Variants in TUSC3 observed in about 807,000 individuals in gnomAD.
The protein encoded by TUSC3 is dolichyl-diphosphooligosaccharide--protein glycosyltransferase subunit TUSC3.
In TUSC3, 45 loss-of-function variants were observed where a neutral mutation model predicts 44.8. That is an observed-to-expected ratio of 1.00 (90% CI 0.79 to 1.29). The LOEUF is 1.29. TUSC3 is among the 50% of genes most tolerant of loss of function. The pLI is 0.00. For synonymous variants in TUSC3, 212 were observed against 152.9 expected (o/e 1.39, Z -2.85); for missense variants, 519 against 437.9 (o/e 1.19, Z -1.65).
intron 1 of TUSC3, among the ~76,000 whole-genome samples, chr8:15,468,087 A>G (rs1272061451): frequency 1.3e-5 from 2 of 152,216 alleles, no homozygotes; most frequent in African/African-American, 2.4e-5. Flanking sequence ...TTAGAGCTCT[A>G]AAGTATTTCT....
chr8:15,487,314 T>A (rs755088905), intron 2 of TUSC3, among the ~76,000 whole-genome samples: 1 of 152,206 alleles, frequency 6.6e-6, no homozygotes, highest in Non-Finnish European at 1.5e-5. Flanking sequence ...AGAGCAAGAT[T>A]TGTCTCGTGA....
In TUSC3 at chr8:15,508,457, C is replaced by CTTTTTTT. The variant is rs1200727081; in HGVS notation, n.189+24991_189+24997dup. On this transcript the variant is annotated intron_variant and non_coding_transcript_variant, in intron 2 of 5. Coordinates refer to the TUSC3 transcript ENST00000503191. ...GAGGTAGTTTAGGAATCGAAGCTTC[C>CTTTTTTT]TTTTTTTTTTTTTTTTTTTTTTTGA... 1.6e-3 allele frequency among the ~76,000 whole-genome samples: 127 copies of CTTTTTTT among 79,600 alleles called. 6 individuals are homozygous for CTTTTTTT. Among genetic ancestry groups the CTTTTTTT allele is most frequent in the African/African-American group, 2.7e-3 (56 of 20,538 alleles). 52.2% of individuals were successfully genotyped at this position (79,600 alleles called of 152,430 possible).
At chr8:15,815,359 T>A in the TUSC3 span, among the ~76,000 whole-genome samples, 1 of 152,022 alleles carries the variant, frequency 6.6e-6, no homozygotes, top group Non-Finnish European at 1.5e-5. Flanking sequence ...GCATCCTGAG[T>A]CAGCTGGAGT....
intron 7 of TUSC3, among the ~76,000 whole-genome samples, chr8:15,736,083 G>A (rs1029653790): frequency 6.6e-6 from 1 of 152,030 alleles, no homozygotes; most frequent in African/African-American, 2.4e-5. Context: ...TCCTCTAGCA[G>A]TATAAAAACA....
At chr8:15,433,558 C>T (rs1161528609) in intron 1 of TUSC3, among the ~76,000 whole-genome samples, 4 of 151,912 alleles carry the variant, frequency 2.6e-5, no homozygotes, top group Non-Finnish European at 5.9e-5. Flanking sequence ...ATATAACAGC[C>T]CCTTCACACG....
At chr8:15,841,766 G>A in the TUSC3 span, among the ~76,000 whole-genome samples, 1 of 152,120 alleles carries the variant, frequency 6.6e-6, no homozygotes, top group Non-Finnish European at 1.5e-5. Context: ...TGACCGCCTT[G>A]GCCTCCCAAA....
intron 1 of TUSC3, among the ~76,000 whole-genome samples, chr8:15,560,593 G>GT (rs1216184164): frequency 1.2e-4 from 17 of 138,382 alleles, no homozygotes; most frequent in African/African-American, 3.1e-4. Context: ...ATATCCTGCA[G>GT]AGTGTTTTCC....
At chr8:15,661,228 A>C (rs1317241650) in intron 4 of TUSC3, among the ~76,000 whole-genome samples, 1 of 151,976 alleles carries the variant, frequency 6.6e-6, no homozygotes, top group East Asian at 1.9e-4. Flanking sequence ...AGCTACCACT[A>C]CCCATATTAC....
chr8:15,633,035 A>C (rs1322221268), intron 2 of TUSC3, among the ~76,000 whole-genome samples: 2 of 152,154 alleles, frequency 1.3e-5, no homozygotes, highest in Non-Finnish European at 2.9e-5. Context: ...TTTACTGCTG[A>C]GGTAGTATTA....
At chr8:15,542,996 C>T (rs529515437) in intron 1 of TUSC3, among the ~76,000 whole-genome samples, 1 of 152,156 alleles carries the variant, frequency 6.6e-6, no homozygotes, top group Admixed American at 6.5e-5. Flanking sequence ...AAATACAGGC[C>T]ATTCCGTATC....
intron 2 of TUSC3, among the ~76,000 whole-genome samples, chr8:15,649,673 C>CT (rs1220424561): frequency 1.3e-5 from 2 of 151,656 alleles, no homozygotes; most frequent in Non-Finnish European, 2.9e-5. Context: ...GCTTCTGAAT[C>CT]TAATGTTTTT....
chr8:15,431,267 T>C (rs145198476), intron 1 of TUSC3, among the ~76,000 whole-genome samples: 12 of 151,706 alleles, frequency 7.9e-5, no homozygotes, highest in African/African-American at 2.9e-4. Flanking sequence ...GCATTGTCTC[T>C]ATAGATCACT....
chr8:15,503,859 T>C (rs1801007331), intron 2 of TUSC3, among the ~76,000 whole-genome samples: 1 of 151,712 alleles, frequency 6.6e-6, no homozygotes, highest in African/African-American at 2.4e-5. Context: ...AAAATGGTAA[T>C]GGCTCCACAG....
At chr8:15,797,863 C>T in the TUSC3 span, among the ~76,000 whole-genome samples, 1 of 152,190 alleles carries the variant, frequency 6.6e-6, no homozygotes, top group Non-Finnish European at 1.5e-5. Context: ...GGAGCAATAA[C>T]TGAATTCAAG....
chr8:15,717,125 C>A (rs1004930752), intron 6 of TUSC3, among the ~76,000 whole-genome samples: 1 of 151,830 alleles, frequency 6.6e-6, no homozygotes, highest in African/African-American at 2.4e-5. Context: ...ATTATAAATA[C>A]GTATGTTTAA....
intron 5 of TUSC3, among the ~76,000 whole-genome samples, chr8:15,668,087 T>A (rs1343652838): frequency 6.6e-6 from 1 of 151,790 alleles, no homozygotes; most frequent in African/African-American, 2.4e-5. Flanking sequence ...AAAGTAAGTG[T>A]TCTCCCACTG....
intron 6 of TUSC3, among the ~76,000 whole-genome samples, chr8:15,698,332 CTG>C (rs1371515488): frequency 2.0e-5 from 3 of 152,284 alleles, no homozygotes; most frequent in African/African-American, 7.2e-5. Context: ...GTTAAAAACT[CTG>C]TAAGTTAGGA....
chr8:15,533,247 CCCGG>C (rs1374861941), intron 2 of TUSC3, among the ~76,000 whole-genome samples: 2 of 152,162 alleles, frequency 1.3e-5, no homozygotes, highest in African/African-American at 4.8e-5. Context: ...TCTTTTTCTT[CCCGG>C]TCTTGGGTAT....
chr8:15,615,419 A>T (rs1379100100), intron 1 of TUSC3, among the ~76,000 whole-genome samples: 1 of 152,184 alleles, frequency 6.6e-6, no homozygotes, highest in Non-Finnish European at 1.5e-5. Flanking sequence ...CAAAAACCAG[A>T]TTGAGCTCAT....
Sources: gnomAD v4.1 joint callset for allele counts (sites outside exome capture counted in the v4.1 genomes callset) on GRCh38, gnomAD v4.1.1 for gene constraint, MANE v1.5 for transcripts, NCBI Gene and HGNC (gene_info 2026-07-23, HGNC 2026-07-21) for gene names.